The following TENM3 variants were observed in gnomAD, a reference collection of about 807,000 sequenced individuals.
TENM3 encodes the protein teneurin-3.
TENM3 carries 63 observed loss-of-function variants against 255.1 expected under a neutral mutation model. The ratio of observed to expected loss-of-function variants is 0.25; its 90% CI spans 0.20 to 0.30. The LOEUF is 0.30. Ranked by LOEUF, TENM3 falls within the 10% of genes least tolerant of loss-of-function variation. TENM3 has a pLI of 1.00. For missense variants in TENM3, 2,929 were observed against 3,461.1 expected (o/e 0.85, Z 3.86); for synonymous variants, 1,306 against 1,322.3 (o/e 0.99, Z 0.27).
At chr4:182,534,692 A>G (rs1367945748) in intron 3 of TENM3, among the ~76,000 whole-genome samples, 1 of 152,236 alleles carries the variant, frequency 6.6e-6, no homozygotes, top group Non-Finnish European at 1.5e-5. Flanking sequence ...TTCAGAGAAG[A>G]TAAGCGATGG....
chr4:181,903,498 T>C, the TENM3 span, among the ~76,000 whole-genome samples: 1 of 152,176 alleles, frequency 6.6e-6, no homozygotes, highest in Non-Finnish European at 1.5e-5. Flanking sequence ...CCAGCTTCAT[T>C]AGGCGATACT....
At chr4:182,249,273 T>G (rs1033797052) in intron 1 of TENM3, among the ~76,000 whole-genome samples, 2 of 152,216 alleles carry the variant, frequency 1.3e-5, no homozygotes, top group African/African-American at 4.8e-5. Flanking sequence ...CTTTTCTGAA[T>G]GCACTGCAGC....
chr4:181,598,577 A>G, the TENM3 span, among the ~76,000 whole-genome samples: 1 of 152,192 alleles, frequency 6.6e-6, no homozygotes, highest in African/African-American at 2.4e-5. Flanking sequence ...TGACAAAGGT[A>G]AACATCTGAA....
intron 3 of TENM3, among the ~76,000 whole-genome samples, chr4:182,387,904 A>G (rs186971914): frequency 3.3e-5 from 5 of 150,540 alleles, no homozygotes; most frequent in Admixed American, 3.3e-4. Flanking sequence ...TTCCGGACAC[A>G]ATAGGACTCT....
At chr4:181,520,072 C>T in the TENM3 span, among the ~76,000 whole-genome samples, 3 of 152,200 alleles carry the variant, frequency 2.0e-5, no homozygotes, top group Non-Finnish European at 4.4e-5. Flanking sequence ...TTTGGGTTAG[C>T]AAATGAAGCA....
the TENM3 span, among the ~76,000 whole-genome samples, chr4:181,468,191 C>G: frequency 6.6e-6 from 1 of 151,484 alleles, no homozygotes; most frequent in Non-Finnish European, 1.5e-5. Flanking sequence ...ACTCAGGAGG[C>G]TTAGCCTGGG....
the TENM3 span, among the ~76,000 whole-genome samples, chr4:181,464,636 TA>T: frequency 9.4e-4 from 143 of 151,634 alleles, no homozygotes; most frequent in African/African-American, 3.3e-3. Context: ...CTTAGAAGCA[TA>T]TTTTTTTTTC....
In TENM3 at chr4:182,760,812, A is replaced by G. The variant is rs527392394; in HGVS notation, c.4892+5553A>G. Reference sequence around the variant, plus strand: ...TGCCCATGGCAAACCCACGACTCCCACTGACATCAGTTCTCATGCTGTAGG... The same window carrying G: ...TGCCCATGGCAAACCCACGACTCCCGCTGACATCAGTTCTCATGCTGTAGG... On this transcript the variant is annotated intron_variant, in intron 22 of 27. Transcript: ENST00000511685. Among the ~76,000 whole-genome samples the G allele has an allele frequency of 6.0e-4, 92 of 152,262 alleles. 1 individual carries two copies. In the South Asian group the frequency reaches 0.018, roughly 31 times the overall value.
chr4:182,495,344 C>T (rs1735675592), intron 3 of TENM3, among the ~76,000 whole-genome samples: 1 of 152,080 alleles, frequency 6.6e-6, no homozygotes. Context: ...TCACCTTGGT[C>T]CTGGTGGAAT....
At chr4:181,544,959 T>G in the TENM3 span, among the ~76,000 whole-genome samples, 1 of 152,332 alleles carries the variant, frequency 6.6e-6, no homozygotes, top group Admixed American at 6.5e-5. Context: ...GCAGATGAAA[T>G]TATAGCTCTC....
chr4:182,353,188 A>G (rs2150717636), intron 3 of TENM3, among the ~76,000 whole-genome samples: 1 of 152,328 alleles, frequency 6.6e-6, no homozygotes, highest in South Asian at 2.1e-4. Flanking sequence ...CTTCAGCTTT[A>G]TCCAGGAACC....
At chr4:181,530,554 A>AT in the TENM3 span, among the ~76,000 whole-genome samples, 150 of 152,268 alleles carry the variant, frequency 9.9e-4, no homozygotes, top group African/African-American at 3.3e-3. Flanking sequence ...CATACAAAGC[A>AT]TTTTTCCCCC....
At chr4:181,774,961 G>T in the TENM3 span, among the ~76,000 whole-genome samples, 2 of 135,174 alleles carry the variant, frequency 1.5e-5, no homozygotes, top group African/African-American at 3.3e-5. Context: ...CTCCCATGTT[G>T]TAGGTTGCCT....
intron 3 of TENM3, among the ~76,000 whole-genome samples, chr4:182,395,612 G>T (rs1768753913): frequency 6.6e-6 from 1 of 152,232 alleles, no homozygotes; most frequent in African/African-American, 2.4e-5. Context: ...AAATGTTAAA[G>T]GTTGAAAATT....
At chr4:182,712,134 C>A (rs1334954255) in intron 12 of TENM3, among the ~76,000 whole-genome samples, 1 of 151,932 alleles carries the variant, frequency 6.6e-6, no homozygotes, top group Non-Finnish European at 1.5e-5. Flanking sequence ...TTTTTTAAAA[C>A]CTATAAATAC....
At chr4:181,979,302 T>C in the TENM3 span, among the ~76,000 whole-genome samples, 3 of 151,140 alleles carry the variant, frequency 2.0e-5, no homozygotes, top group Non-Finnish European at 2.9e-5. Context: ...CCAAATAGTA[T>C]CTGTAAATTC....
the TENM3 span, among the ~76,000 whole-genome samples, chr4:181,457,159 A>G: frequency 1.3e-5 from 2 of 151,866 alleles, no homozygotes; most frequent in African/African-American, 4.8e-5. Context: ...TATATTAGAA[A>G]AACCTGATTT....
intron 4 of TENM3, among the ~76,000 whole-genome samples, chr4:182,617,362 A>G (rs1431051116): frequency 6.6e-6 from 1 of 152,210 alleles, no homozygotes; most frequent in African/African-American, 2.4e-5. Flanking sequence ...CATTGTCTTG[A>G]TATCATCAAG....
chr4:181,530,477 A>C, the TENM3 span, among the ~76,000 whole-genome samples: 1 of 152,272 alleles, frequency 6.6e-6, no homozygotes, highest in African/African-American at 2.4e-5. Context: ...GCAATGCATG[A>C]GTTACAGGTA....
Sources: allele counts gnomAD v4.1 joint callset (sites outside exome capture counted in the v4.1 genomes callset), GRCh38; gene constraint gnomAD v4.1.1; transcripts MANE v1.5; gene names NCBI Gene and HGNC (gene_info 2026-07-23, HGNC 2026-07-21).